The following SPARCL1 variants were observed in gnomAD, a reference collection of about 807,000 sequenced individuals.
SPARCL1 encodes the protein SPARC-like protein 1.
In SPARCL1, 52 loss-of-function variants were observed where a neutral mutation model predicts 67.1. That is an observed-to-expected ratio of 0.78 (90% confidence interval 0.62 to 0.98). The LOEUF is 0.98. SPARCL1 is among the 50% of genes least tolerant of loss of function. The pLI, the probability that SPARCL1 is intolerant of heterozygous loss-of-function variation, is 0.00. For synonymous variants in SPARCL1, 226 were observed against 267.8 expected, an observed-to-expected ratio of 0.84 and a Z score of 1.52; for missense variants, 717 against 782.4, an observed-to-expected ratio of 0.92 and a Z score of 1.00.
chr4:87,487,875 T>G (rs898909491), intron 7 of SPARCL1, among the ~76,000 whole-genome samples: 1 of 152,214 alleles, frequency 6.6e-6, no homozygotes, highest in Non-Finnish European at 1.5e-5. Context: ...TTTCTTCCAC[T>G]TAATCGATTT....
chr4:87,516,920 C>G (rs771567819), intron 1 of SPARCL1, among the ~76,000 whole-genome samples: 2 of 152,152 alleles, frequency 1.3e-5, no homozygotes, highest in Admixed American at 1.3e-4. Context: ...CTCACTGTGT[C>G]TCATTCCAGA....
intron 2 of SPARCL1, among the ~76,000 whole-genome samples, chr4:87,495,608 A>G (rs1336150621): frequency 6.6e-6 from 1 of 152,190 alleles, no homozygotes; most frequent in Non-Finnish European, 1.5e-5. Context: ...TCTTAACGCC[A>G]TTGGCCTTAA....
intron 1 of SPARCL1, among the ~76,000 whole-genome samples, chr4:87,524,251 A>G (rs1161688526): frequency 6.6e-6 from 1 of 152,172 alleles, no homozygotes; most frequent in Non-Finnish European, 1.5e-5. Context: ...CCCCCTGTAG[A>G]AATCAAATGG....
At chr4:87,497,409 C>G (rs577930124) in intron 2 of SPARCL1, among the ~76,000 whole-genome samples, 2 of 152,176 alleles carry the variant, frequency 1.3e-5, no homozygotes, top group Non-Finnish European at 2.9e-5. Context: ...TCTCTCTCCC[C>G]CTCCATCCGC....
chr4:87,517,503 T>G (rs1220831299), intron 1 of SPARCL1, among the ~76,000 whole-genome samples: 1 of 152,200 alleles, frequency 6.6e-6, no homozygotes, highest in Admixed American at 6.5e-5. Flanking sequence ...AATTATCAGA[T>G]AGATTAATCC....
intron 5 of SPARCL1, 65 bp from the exon 6 acceptor site, chr4:87,490,943 C>T (rs1272013874): frequency 2.0e-6 from 2 of 983,902 alleles, no homozygotes; most frequent in Non-Finnish European, 3.0e-6. Context: ...TACAAATTCA[C>T]TCAACTAGTT....
intron 2 of SPARCL1, among the ~76,000 whole-genome samples, chr4:87,496,225 A>T (rs1724614795): frequency 6.6e-6 from 1 of 152,070 alleles, no homozygotes; most frequent in African/African-American, 2.4e-5. Flanking sequence ...AAATTAATTC[A>T]TTATATTAAT....
intron 2 of SPARCL1, 50 bp downstream of exon 2, chr4:87,499,471 C>T: frequency 1.4e-6 from 2 of 1,383,760 alleles, no homozygotes; most frequent in Non-Finnish European, 2.0e-6. Flanking sequence ...AGGATTTCTG[C>T]ATTAAATGTC....
chr4:87,526,746 A>T (rs1447881816), intron 1 of SPARCL1, among the ~76,000 whole-genome samples: 3 of 152,210 alleles, frequency 2.0e-5, no homozygotes, highest in Non-Finnish European at 4.4e-5. Context: ...AAACCCTGAG[A>T]AAATATCTAG....
intron 7 of SPARCL1, among the ~76,000 whole-genome samples, chr4:87,487,126 C>T (rs1724109874): frequency 6.6e-6 from 1 of 151,530 alleles, no homozygotes; most frequent in Non-Finnish European, 1.5e-5. Context: ...TGAATTTGAT[C>T]CTGTCATTAT....
Position 87,493,692 on chromosome 4 carries a change from C to G in SPARCL1, c.1108G>C (p.Glu370Gln). Residue 370 changes from glutamate (E) to glutamine (Q), a missense_variant, in exon 4 of 11, where the codon GAG becomes CAG. By Grantham distance (29) the Glu-to-Gln change is conservative (BLOSUM62 2). Transcript: ENST00000282470. The stretch of plus-strand genomic sequence containing the variant: ...GCAATGGATTGAGCTCTCTCGGCCT[C>G]CAGAAAGGCCTGGCTTGGGATGAAG... ...DYFIPSQAFL[E>Q]AERAQSIAYH... is the part of the protein sequence containing the mutation. The G allele has an allele frequency of 6.2e-7, 1 of 1,614,140 alleles. No individual in the cohort carries two copies. The highest frequency in any genetic ancestry group is 8.5e-7 in the Non-Finnish European group (1 of 1,180,024).
At chr4:87,521,247 A>G (rs1725804038) in intron 1 of SPARCL1, among the ~76,000 whole-genome samples, 1 of 152,200 alleles carries the variant, frequency 6.6e-6, no homozygotes, top group African/African-American at 2.4e-5. Context: ...TTGCCATGCC[A>G]CTTAAATCAA....
intron 7 of SPARCL1, among the ~76,000 whole-genome samples, chr4:87,484,774 C>CAA (rs1723983962): frequency 6.6e-6 from 1 of 152,112 alleles, no homozygotes; most frequent in African/African-American, 2.4e-5. Context: ...TTGAAGAGGT[C>CAA]CTTCACATCC....
intron 1 of SPARCL1, among the ~76,000 whole-genome samples, chr4:87,506,073 C>G (rs1172615955): frequency 6.6e-6 from 1 of 152,090 alleles, no homozygotes; most frequent in Admixed American, 6.6e-5. Context: ...AGCCCCCATC[C>G]CCCACCAGCT....
intron 1 of SPARCL1, among the ~76,000 whole-genome samples, chr4:87,506,422 G>C (rs7695087): frequency 0.28 from 42,895 of 152,038 alleles, 6,678 homozygotes; most frequent in East Asian, 0.6. Flanking sequence ...CATTTGAATT[G>C]GTAGACAGAA....
At chr4:87,495,396 T>C (rs1015420418) in intron 2 of SPARCL1, among the ~76,000 whole-genome samples, 2 of 152,176 alleles carry the variant, frequency 1.3e-5, no homozygotes, top group Non-Finnish European at 2.9e-5. Flanking sequence ...AATGGTAACT[T>C]TGAGTTTTGA....
intron 1 of SPARCL1, chr4:87,528,213 T>C (rs1016447519): frequency 6.6e-6 from 1 of 151,882 alleles, no homozygotes; most frequent in East Asian, 1.9e-4. Flanking sequence ...TTTTTTTCTC[T>C]TGCAGAGTGA....
At chr4:87,521,232 G>A (rs755874681) in intron 1 of SPARCL1, among the ~76,000 whole-genome samples, 1 of 152,092 alleles carries the variant, frequency 6.6e-6, no homozygotes, top group Non-Finnish European at 1.5e-5. Context: ...TTGAAGTTCT[G>A]TATATTGCCA....
At chr4:87,497,417 C>T (rs761100189) in intron 2 of SPARCL1, among the ~76,000 whole-genome samples, 21 of 152,172 alleles carry the variant, frequency 1.4e-4, no homozygotes, top group South Asian at 4.1e-4. Flanking sequence ...CCCCTCCATC[C>T]GCCTACTGCC....
Sources: allele counts gnomAD v4.1 joint callset (sites outside exome capture counted in the v4.1 genomes callset), GRCh38; gene constraint gnomAD v4.1.1; transcripts MANE v1.5; gene names NCBI Gene and HGNC (gene_info 2026-07-23, HGNC 2026-07-21).